Variants in SMAP1 observed in about 807,000 individuals in gnomAD.
SMAP1 encodes the protein small ArfGAP 1.
In SMAP1, 24 loss-of-function variants were observed where a neutral mutation model predicts 58.5. The ratio of observed to expected loss-of-function variants is 0.41; its 90% CI spans 0.30 to 0.58. The LOEUF (loss-of-function observed/expected upper bound fraction) is 0.58. Among genes scored for constraint, SMAP1 ranks in the 20% least tolerant of loss-of-function variants. SMAP1 has a pLI of 0.29. For synonymous variants in SMAP1, 216 were observed against 196.6 expected (o/e 1.10, Z -0.82); for missense variants, 563 against 566.3 (o/e 0.99, Z 0.06).
chr6:70,703,085 C>CA (rs1554191502), intron 1 of SMAP1, among the ~76,000 whole-genome samples: 1 of 148,108 alleles, frequency 6.8e-6, no homozygotes, highest in Non-Finnish European at 1.5e-5. Context: ...TTTTTCACGA[C>CA]TTTTTTTTTT....
intron 3 of SMAP1, among the ~76,000 whole-genome samples, chr6:70,757,398 C>T (rs898797055): frequency 1.3e-4 from 19 of 151,780 alleles, no homozygotes; most frequent in African/African-American, 4.6e-4. Flanking sequence ...AAACGTTAGA[C>T]CTAAAACAAT....
chr6:70,783,811 G>C (rs1392617440), intron 4 of SMAP1, among the ~76,000 whole-genome samples: 4 of 152,134 alleles, frequency 2.6e-5, no homozygotes, highest in Non-Finnish European at 4.4e-5. Flanking sequence ...GTGAAAAGAC[G>C]AAATCTACGC....
chr6:70,700,238 C>G (rs550161702), intron 1 of SMAP1, among the ~76,000 whole-genome samples: 1 of 152,234 alleles, frequency 6.6e-6, no homozygotes, highest in Non-Finnish European at 1.5e-5. Flanking sequence ...CTCCCTGAGG[C>G]TTCCGCAGAA....
At chr6:70,822,652 G>T (rs10945262) in intron 6 of SMAP1, among the ~76,000 whole-genome samples, 64,352 of 151,876 alleles carry the variant, frequency 0.42, 14,102 homozygotes, top group South Asian at 0.5. Flanking sequence ...ATCTTAGTTG[G>T]TGTTCTCTGA....
intron 6 of SMAP1, among the ~76,000 whole-genome samples, chr6:70,830,507 C>G (rs1047206483): frequency 1.3e-5 from 2 of 152,090 alleles, no homozygotes; most frequent in Non-Finnish European, 2.9e-5. Flanking sequence ...TCTTGTAAGT[C>G]TTTGCAAAGT....
chr6:70,798,520 A>G (rs1427212590), intron 5 of SMAP1, 137 bp from the exon 6 acceptor site: 3 of 588,090 alleles, frequency 5.1e-6, no homozygotes, highest in Non-Finnish European at 8.8e-6. Context: ...TGTTTATTAT[A>G]TTTCAGTAGC....
At chr6:70,722,907 C>G (rs1768594391) in intron 1 of SMAP1, among the ~76,000 whole-genome samples, 1 of 152,210 alleles carries the variant, frequency 6.6e-6, no homozygotes, top group South Asian at 2.1e-4. Context: ...GAACATGTCA[C>G]AGTGCTGCAG....
At chr6:70,820,086 GTTTGGAGCTAT>G (rs1769819647) in intron 6 of SMAP1, among the ~76,000 whole-genome samples, 1 of 152,140 alleles carries the variant, frequency 6.6e-6, no homozygotes, top group Non-Finnish European at 1.5e-5. Flanking sequence ...TTTCTCATGT[GTTTGGAGCTAT>G]AGGGATGTGA....
chr6:70,846,879 G>A (rs140612662), intron 7 of SMAP1, among the ~76,000 whole-genome samples: 2 of 152,304 alleles, frequency 1.3e-5, no homozygotes, highest in African/African-American at 2.4e-5. Flanking sequence ...ATTGAGACCC[G>A]TGTTGAAGTC....
chr6:70,723,459 A>G (rs1768621063), intron 1 of SMAP1, among the ~76,000 whole-genome samples: 2 of 152,188 alleles, frequency 1.3e-5, no homozygotes, highest in African/African-American at 4.8e-5. Context: ...TTCCCCAGAT[A>G]GCTGCATGGT....
chr6:70,849,160 C>G (rs1771094673), intron 7 of SMAP1, among the ~76,000 whole-genome samples: 1 of 152,132 alleles, frequency 6.6e-6, no homozygotes, highest in South Asian at 2.1e-4. Context: ...GCAGAAAGTT[C>G]CTTACCTCAG....
At chr6:70,844,416 C>T (rs1252415838) in intron 7 of SMAP1, among the ~76,000 whole-genome samples, 1 of 152,036 alleles carries the variant, frequency 6.6e-6, no homozygotes, top group Non-Finnish European at 1.5e-5. Flanking sequence ...CATCATAGTG[C>T]CTGTGCATAA....
At chr6:70,751,271 A>G (rs1766264993) in intron 2 of SMAP1, among the ~76,000 whole-genome samples, 1 of 152,128 alleles carries the variant, frequency 6.6e-6, no homozygotes, top group Admixed American at 6.6e-5. Flanking sequence ...AAATACGTTC[A>G]GTCTACTGGC....
At chr6:70,714,109 C>T (rs183290006) in intron 1 of SMAP1, among the ~76,000 whole-genome samples, 10 of 152,138 alleles carry the variant, frequency 6.6e-5, no homozygotes, top group Admixed American at 4.6e-4. Context: ...TCACTTTCCA[C>T]GTATGTGTGT....
At chr6:70,732,714 T>TCTATA (rs1325910949) in intron 2 of SMAP1, among the ~76,000 whole-genome samples, 2 of 152,234 alleles carry the variant, frequency 1.3e-5, no homozygotes, top group Non-Finnish European at 2.9e-5. Flanking sequence ...CAGTTTTTAA[T>TCTATA]CTATACTTTC....
intron 2 of SMAP1, among the ~76,000 whole-genome samples, chr6:70,751,862 T>G (rs569347769): frequency 1.3e-5 from 2 of 152,318 alleles, no homozygotes; most frequent in South Asian, 4.1e-4. Flanking sequence ...GAACTTAGTT[T>G]TTCTTTTAGA....
At chr6:70,798,514 T>C (rs1189060785) in intron 5 of SMAP1, 143 bp from the exon 6 acceptor site, 1 of 571,096 alleles carries the variant, frequency 1.8e-6, no homozygotes, top group Non-Finnish European at 3.0e-6. Flanking sequence ...ATTTACTGTT[T>C]ATTATATTTC....
At chr6:70,757,272 G>A (rs1359644528) in intron 3 of SMAP1, among the ~76,000 whole-genome samples, 1 of 148,950 alleles carries the variant, frequency 6.7e-6, no homozygotes, top group East Asian at 2.0e-4. Context: ...ATGGGGAAAG[G>A]ATTCCCTATT....
chr6:70,720,927 C>T (rs545556893), intron 1 of SMAP1, among the ~76,000 whole-genome samples: 35 of 152,264 alleles, frequency 2.3e-4, no homozygotes, highest in African/African-American at 8.2e-4. Flanking sequence ...AGACATTTTC[C>T]CCATGGTCAC....
Sources: allele counts gnomAD v4.1 joint callset (sites outside exome capture counted in the v4.1 genomes callset), GRCh38; gene constraint gnomAD v4.1.1; transcripts MANE v1.5; gene names NCBI Gene and HGNC (gene_info 2026-07-23, HGNC 2026-07-21).